The following IQSEC3 variants were observed in gnomAD, a reference collection of about 807,000 sequenced individuals.
The protein encoded by IQSEC3 is IQ motif and SEC7 domain-containing protein 3.
Under a neutral mutation model 105.4 loss-of-function variants are expected in IQSEC3, and 50 were observed. That is an observed-to-expected ratio of 0.47 (90% confidence interval 0.38 to 0.60). The LOEUF is 0.60. Among genes scored for constraint, IQSEC3 ranks in the 20% least tolerant of loss-of-function variants. The probability of loss-of-function intolerance (pLI) is 0.00; values close to 1 mark genes in which losing one functional copy is unlikely to be tolerated. For synonymous variants in IQSEC3, 708 were observed against 746.0 expected, an observed-to-expected ratio of 0.95 and a Z score of 0.83; for missense variants, 1,415 against 1,630.0, an observed-to-expected ratio of 0.87 and a Z score of 2.27.
At chr12:71,844 GGA>G (rs1215716593) in intron 1 of IQSEC3, among the ~76,000 whole-genome samples, 27 of 152,262 alleles carry the variant, frequency 1.8e-4, no homozygotes, top group African/African-American at 5.3e-4. Context: ...TCCCCAGCAG[GGA>G]GAGAGTTTCT....
chr12:172,237 C>G (rs982974235), intron 13 of IQSEC3, among the ~76,000 whole-genome samples: 70 of 151,740 alleles, frequency 4.6e-4, no homozygotes, highest in Non-Finnish European at 8.4e-4. Context: ...CCCCACCCCC[C>G]ACACACCCGT....
chr12:152,524 G>A lies in IQSEC3; in HGVS notation c.2154-4501G>A, dbSNP rs1010666559. 2.0e-5 allele frequency among the ~76,000 whole-genome samples: 3 copies of A among 152,222 alleles called. No individual in the cohort carries two copies. The highest frequency in any genetic ancestry group is 6.5e-5 in the Admixed American group (1 of 15,288). On this transcript the variant is annotated intron_variant, in intron 5 of 13. Transcript: ENST00000538872. This position sits in a 1 kb window ranked among gnomAD's most constrained non-coding sequence, Gnocchi z 4.8. ...TGTGTGCAGCACGCCTGTAGGGCTG[G>A]CTGTCTAGTGTACTTCAGTCTCATA...
intron 2 of IQSEC3, among the ~76,000 whole-genome samples, chr12:118,952 G>A (rs1439611827): frequency 1.3e-5 from 2 of 152,228 alleles, no homozygotes; most frequent in Admixed American, 1.3e-4. Context: ...GGCCACTGCA[G>A]GTGTTCTCCC....
rs1939198840 is a variant in IQSEC3, at chr12:175,089, T to G, written c.*56T>G. On this transcript the variant is annotated 3_prime_UTR_variant, in exon 14 of 14. Transcript: ENST00000538872. Reference sequence around the variant, plus strand: ...GGGCTGGCCACTGGGGGGCCTGGGCTGCCCCTCCACTGCTCCCCATACCCT... The same window carrying G: ...GGGCTGGCCACTGGGGGGCCTGGGCGGCCCCTCCACTGCTCCCCATACCCT... 7.4e-7 allele frequency: 1 copy of G among 1,343,504 alleles called. No individual in the cohort carries two copies. Among genetic ancestry groups the G allele is most frequent in the South Asian group, 1.5e-5 (1 of 67,558 alleles). 83.2% of individuals were successfully genotyped at this position (1,343,504 alleles called of 1,614,324 possible).
At chr12:69,690 TG>T (rs1863236110) in intron 1 of IQSEC3, among the ~76,000 whole-genome samples, 1 of 152,272 alleles carries the variant, frequency 6.6e-6, no homozygotes, top group African/African-American at 2.4e-5. Flanking sequence ...TGTGAAAACA[TG>T]GTAATCTTGG....
Position 112,268 on chromosome 12 carries a change from G to A in IQSEC3, c.623+13054G>A, listed in dbSNP as rs187793826. 3.3e-3 allele frequency among the ~76,000 whole-genome samples: 497 copies of A among 151,490 alleles called. 2 individuals carry two copies. The highest frequency in any genetic ancestry group is 0.011 in the African/African-American group (458 of 41,182). The stretch of plus-strand genomic sequence containing the variant: ...ATCTTAGACTAAACTTCTTTGGTTC[G>A]GGGAGGGCAACTAAGGAGTGGGGAA... On this transcript the variant is annotated intron_variant, in intron 2 of 13. Coordinates refer to ENST00000538872, the MANE Select transcript of IQSEC3 (RefSeq NM_001170738.2).
At chr12:164,195 C>T (rs1387254072) in intron 9 of IQSEC3, among the ~76,000 whole-genome samples, 5 of 152,170 alleles carry the variant, frequency 3.3e-5, no homozygotes, top group Admixed American at 6.5e-5. Context: ...GCTTGTGTCT[C>T]CCTCGCACCG....
chr12:141,334 C>A, intron 5 of IQSEC3, 49 bp downstream of exon 5: 1 of 1,575,872 alleles, frequency 6.3e-7, no homozygotes, highest in South Asian at 1.1e-5. Context: ...CACACCCCAC[C>A]TGCCCGGGCT....
At chr12:109,606 C>T (rs1864809257) in intron 2 of IQSEC3, among the ~76,000 whole-genome samples, 1 of 133,690 alleles carries the variant, frequency 7.5e-6, no homozygotes, top group Non-Finnish European at 1.7e-5. Context: ...TCCTCCACAT[C>T]CCCTTCTCAC....
At chr12:128,353 G>A (rs1162293909) in intron 3 of IQSEC3, among the ~76,000 whole-genome samples, 2 of 152,156 alleles carry the variant, frequency 1.3e-5, no homozygotes, top group Non-Finnish European at 2.9e-5. Context: ...GGAAGGATAA[G>A]AGACGGGAAA....
At chr12:125,974 CG>C in intron 3 of IQSEC3, 62 bp downstream of exon 3, 6 of 1,471,018 alleles carry the variant, frequency 4.1e-6, no homozygotes, top group Non-Finnish European at 5.5e-6. Context: ...TGGGGGCTGT[CG>C]AGGGTACCAG....
chr12:72,218 G>C (rs189497196), intron 1 of IQSEC3, among the ~76,000 whole-genome samples: 62 of 152,248 alleles, frequency 4.1e-4, no homozygotes, highest in Admixed American at 1.6e-3. Flanking sequence ...GGAAACAACA[G>C]TTGGTCCTGC....
At position 176,141 on chromosome 12, in the gene IQSEC3, G is replaced by A. The variant is rs534870297; in HGVS notation, c.*1108G>A. On this transcript the variant is annotated 3_prime_UTR_variant, in exon 14 of 14. Coordinates refer to ENST00000538872, the MANE Select transcript of IQSEC3 (RefSeq NM_001170738.2). This position sits in a 1 kb window ranked among gnomAD's most constrained non-coding sequence, Gnocchi z 4.0. ...CTTTAAATATTCCCTCCTCCTAGAA[G>A]GTTCTAGACCCCCCCCTTCCAGCAG... 1 of 150,258 alleles carries A rather than the reference G, an allele frequency of 6.7e-6. No homozygotes were observed. The highest frequency in any genetic ancestry group is 2.5e-5 in the African/African-American group (1 of 39,644). 9.3% of individuals were successfully genotyped at this position (150,258 alleles called of 1,614,324 possible). A position where few individuals can be genotyped will look rare whatever the true frequency, so the allele number is the denominator to read the frequency against.
In IQSEC3 at chr12:171,209, G is replaced by T. The variant is rs1167285447; in HGVS notation, c.3114+48G>T. On this transcript the variant is annotated intron_variant, in intron 13 of 13. Transcript: ENST00000538872. ...AGGTGAGTGACTACCCTGCCCCCTT[G>T]TTCTTCTTCTCACCGTCTCTGTTGT... 2.5e-6 allele frequency: 4 copies of T among 1,613,808 alleles called. No individual in the cohort carries two copies. In the African/African-American group the frequency reaches 5.3e-5, roughly 22 times the overall value.
intron 5 of IQSEC3, among the ~76,000 whole-genome samples, chr12:142,886 A>G (rs1866089904): frequency 6.6e-6 from 1 of 152,162 alleles, no homozygotes; most frequent in African/African-American, 2.4e-5. Flanking sequence ...TTCCCAAGCC[A>G]GGGTGAGGTG....
At chr12:104,402 G>A (rs191590683) in intron 2 of IQSEC3, among the ~76,000 whole-genome samples, 18 of 152,110 alleles carry the variant, frequency 1.2e-4, no homozygotes, top group Non-Finnish European at 2.5e-4. Context: ...AGTCATACAC[G>A]CTAGTTGTTG....
chr12:166,095 G>C (rs1938634251), intron 11 of IQSEC3: 1 of 608,424 alleles, frequency 1.6e-6, no homozygotes, highest in African/African-American at 1.9e-5. Context: ...AGGCTTGCTA[G>C]AGTGCACACA....
At chr12:92,901 G>C (rs959726886) in intron 1 of IQSEC3, among the ~76,000 whole-genome samples, 1 of 152,168 alleles carries the variant, frequency 6.6e-6, no homozygotes, top group Non-Finnish European at 1.5e-5. Flanking sequence ...ATGCAGCACT[G>C]GTTGATTTCA....
chr12:104,314 A>AT (rs1565398217), intron 2 of IQSEC3, among the ~76,000 whole-genome samples: 3 of 152,080 alleles, frequency 2.0e-5, no homozygotes, highest in Non-Finnish European at 2.9e-5. Flanking sequence ...TGCTGCTAGA[A>AT]TTTTTTTTAA....
Sources: allele counts gnomAD v4.1 joint callset (sites outside exome capture counted in the v4.1 genomes callset), GRCh38; gene constraint gnomAD v4.1.1; non-coding constraint Gnocchi (gnomAD v3.1); transcripts MANE v1.5; gene names NCBI Gene and HGNC (gene_info 2026-07-23, HGNC 2026-07-21).